The following PKIA variants were observed in gnomAD, a reference collection of about 807,000 sequenced individuals.
PKIA encodes the protein PKI-alpha.
PKIA carries 4 observed loss-of-function variants against 7.6 expected under a neutral mutation model. That is an observed-to-expected ratio of 0.52 (90% CI 0.26 to 1.20). PKIA has a LOEUF of 1.20. PKIA is among the 50% of genes most tolerant of loss of function. The probability of loss-of-function intolerance (pLI) is 0.13; values close to 1 mark genes in which losing one functional copy is unlikely to be tolerated. For missense variants in PKIA, 73 were observed against 86.2 expected, an observed-to-expected ratio of 0.85 and a Z score of 0.61; for synonymous variants, 21 against 30.7, an observed-to-expected ratio of 0.68 and a Z score of 1.04.
intron 1 of PKIA, among the ~76,000 whole-genome samples, chr8:78,553,378 A>G (rs563293165): frequency 2.6e-5 from 4 of 151,932 alleles, no homozygotes; most frequent in Non-Finnish European, 5.9e-5. Context: ...TCTAGACCTC[A>G]TACTCCTCAT....
At chr8:78,567,525 T>C (rs1807445197) in intron 1 of PKIA, among the ~76,000 whole-genome samples, 1 of 152,106 alleles carries the variant, frequency 6.6e-6, no homozygotes, top group Non-Finnish European at 1.5e-5. Context: ...TAAAGGGCCA[T>C]TTTGTCAAGA....
intron 1 of PKIA, among the ~76,000 whole-genome samples, chr8:78,557,609 T>C (rs1807172567): frequency 6.6e-6 from 1 of 152,186 alleles, no homozygotes; most frequent in Admixed American, 6.5e-5. Context: ...GGCTGTCAGC[T>C]GCTAGGGGAG....
chr8:78,586,440 A>G (rs777065257), intron 2 of PKIA, among the ~76,000 whole-genome samples: 2 of 152,116 alleles, frequency 1.3e-5, no homozygotes, highest in African/African-American at 2.4e-5. Flanking sequence ...CATAGTCTCT[A>G]CAGAGTGTGC....
chr8:78,537,597 C>A (rs1358035892), intron 1 of PKIA, among the ~76,000 whole-genome samples: 1 of 150,140 alleles, frequency 6.7e-6, no homozygotes, highest in Non-Finnish European at 1.5e-5. Context: ...TCCCACCCCC[C>A]ACCGCCAACA....
chr8:78,569,761 A>G (rs1272780531), intron 1 of PKIA, among the ~76,000 whole-genome samples: 1 of 152,164 alleles, frequency 6.6e-6, no homozygotes, highest in Admixed American at 6.6e-5. Context: ...TGTATTTCTT[A>G]AAATAAATGA....
At chr8:78,591,200 A>G (rs1808085854) in intron 2 of PKIA, 1 of 152,624 alleles carries the variant, frequency 6.6e-6, no homozygotes, top group South Asian at 2.1e-4. Context: ...CAATGTCACT[A>G]TAAAAATCAT....
At chr8:78,553,648 G>T (rs1214611111) in intron 1 of PKIA, among the ~76,000 whole-genome samples, 3 of 151,480 alleles carry the variant, frequency 2.0e-5, no homozygotes, top group African/African-American at 7.3e-5. Flanking sequence ...GCCAATTTTT[G>T]GTCCCTGAAA....
intron 2 of PKIA, among the ~76,000 whole-genome samples, chr8:78,580,216 T>C (rs1377211231): frequency 6.6e-6 from 1 of 152,064 alleles, no homozygotes; most frequent in Non-Finnish European, 1.5e-5. Context: ...CATACATATG[T>C]CATAGGTATA....
chr8:78,533,060 C>G (rs939379462), intron 1 of PKIA, among the ~76,000 whole-genome samples: 3 of 152,134 alleles, frequency 2.0e-5, no homozygotes, highest in Non-Finnish European at 4.4e-5. Context: ...TTCCGTGCAC[C>G]AGGGTGGGCT....
chr8:78,576,379 G>T (rs962823169), intron 2 of PKIA, among the ~76,000 whole-genome samples: 1 of 151,874 alleles, frequency 6.6e-6, no homozygotes, highest in African/African-American at 2.4e-5. Context: ...ATAGGTTTTT[G>T]GAGCTTGAGC....
At chr8:78,528,291 T>G (rs1806298764) in intron 1 of PKIA, among the ~76,000 whole-genome samples, 1 of 152,128 alleles carries the variant, frequency 6.6e-6, no homozygotes. Context: ...ATTTGTTGAT[T>G]AATGGTGCCT....
At chr8:78,549,664 G>A (rs565653623) in intron 1 of PKIA, among the ~76,000 whole-genome samples, 3 of 150,984 alleles carry the variant, frequency 2.0e-5, no homozygotes, top group South Asian at 4.2e-4. Context: ...TATAAATGAT[G>A]GGCATGATTA....
At chr8:78,518,958 T>C (rs1809364912) in intron 1 of PKIA, among the ~76,000 whole-genome samples, 1 of 152,208 alleles carries the variant, frequency 6.6e-6, no homozygotes, top group Non-Finnish European at 1.5e-5. Flanking sequence ...AATATATGTA[T>C]GATTTTATGT....
intron 1 of PKIA, chr8:78,534,793 A>G (rs577954184): frequency 3.9e-5 from 6 of 152,268 alleles, no homozygotes; most frequent in African/African-American, 1.2e-4. Context: ...ATCAGATTCA[A>G]TCAAGGAAAG....
intron 2 of PKIA, among the ~76,000 whole-genome samples, chr8:78,587,956 A>T (rs528081982): frequency 4.6e-5 from 7 of 152,340 alleles, no homozygotes; most frequent in African/African-American, 1.7e-4. Context: ...CTTGAGTAAG[A>T]TAATCAAGAA....
intron 2 of PKIA, among the ~76,000 whole-genome samples, chr8:78,573,492 C>G (rs1388160016): frequency 6.6e-6 from 1 of 151,864 alleles, no homozygotes; most frequent in East Asian, 1.9e-4. Flanking sequence ...TTTATCTATG[C>G]ACATCAGCAT....
At chr8:78,537,302 T>C (rs1265563250) in intron 1 of PKIA, among the ~76,000 whole-genome samples, 8 of 152,046 alleles carry the variant, frequency 5.3e-5, no homozygotes, top group African/African-American at 1.9e-4. Flanking sequence ...AAGATAGCTA[T>C]AAACTTTTAG....
At chr8:78,600,839 C>T (rs933989950) in intron 3 of PKIA, among the ~76,000 whole-genome samples, 2 of 152,046 alleles carry the variant, frequency 1.3e-5, no homozygotes, top group Non-Finnish European at 2.9e-5. Flanking sequence ...TGCCTTATAA[C>T]ATTATGGTCC....
At chr8:78,565,886 A>C (rs188178776) in intron 1 of PKIA, among the ~76,000 whole-genome samples, 42 of 152,120 alleles carry the variant, frequency 2.8e-4, no homozygotes, top group East Asian at 9.7e-4. Flanking sequence ...TTATCTGGAG[A>C]GATTTTAATT....
Sources: allele counts gnomAD v4.1 joint callset (sites outside exome capture counted in the v4.1 genomes callset), GRCh38; gene constraint gnomAD v4.1.1; transcripts MANE v1.5; gene names NCBI Gene and HGNC (gene_info 2026-07-23, HGNC 2026-07-21).